The following MTMR3 variants were observed in gnomAD, a reference collection of about 807,000 sequenced individuals.
The protein encoded by MTMR3 is myotubularin related protein 3, also known as phosphatidylinositol-3,5-bisphosphate 3-phosphatase MTMR3.
A neutral mutation model predicts 132.4 loss-of-function variants in MTMR3; 32 were observed. The observed-to-expected ratio is 0.24, with a 90% CI of 0.18 to 0.32. The LOEUF (loss-of-function observed/expected upper bound fraction) is 0.32, where lower values mean the gene tolerates loss of function less well. Ranked by LOEUF, MTMR3 falls within the 10% of genes least tolerant of loss-of-function variation. The pLI is 1.00. For missense variants in MTMR3, 1,216 were observed against 1,489.6 expected (o/e 0.82, Z 3.02); for synonymous variants, 556 against 550.3 (o/e 1.01, Z -0.14).
Position 30,007,915 on chromosome 22 carries a change from A to C in MTMR3, c.892A>C (p.Asn298His). Reference protein sequence around the residue: ...SDVEFDSSLSNASGAESLAIQ... With the variant: ...SDVEFDSSLSHASGAESLAIQ... Reference sequence around the variant, plus strand: ...TGTGTCCCTAGATTCTTCTCTGTCAAATGCTTCAGGAGCAGAGAGTTTAGC... The same window carrying C: ...TGTGTCCCTAGATTCTTCTCTGTCACATGCTTCAGGAGCAGAGAGTTTAGC... The change falls in exon 11 of 20, where the codon AAT (asparagine) becomes CAT (histidine). Residue 298 changes from asparagine to histidine, a missense_variant. Transcript: ENST00000401950. 6.2e-7 allele frequency: 1 copy of C among 1,613,584 alleles called. No homozygotes were observed.
At chr22:29,927,223 T>G (rs538872721) in intron 1 of MTMR3, among the ~76,000 whole-genome samples, 1 of 152,358 alleles carries the variant, frequency 6.6e-6, no homozygotes, top group Non-Finnish European at 1.5e-5. Context: ...CTGTGTGTCT[T>G]TATGCTAGTA....
At chr22:29,991,745 G>A in intron 7 of MTMR3, 75 bp downstream of exon 7, 2 of 1,426,074 alleles carry the variant, frequency 1.4e-6, no homozygotes, top group Non-Finnish European at 1.9e-6. Flanking sequence ...AACATGAAAT[G>A]GGACACCTAA....
chr22:29,901,151 T>C (rs2064996646), intron 1 of MTMR3, among the ~76,000 whole-genome samples: 1 of 152,064 alleles, frequency 6.6e-6, no homozygotes, highest in Non-Finnish European at 1.5e-5. Flanking sequence ...GTTTTGACCA[T>C]GATGATTCTG....
At chr22:29,926,607 T>C (rs1032428120) in intron 1 of MTMR3, among the ~76,000 whole-genome samples, 1 of 152,228 alleles carries the variant, frequency 6.6e-6, no homozygotes, top group Non-Finnish European at 1.5e-5. Context: ...GGTATCTCAT[T>C]GTGGCTTTGA....
In MTMR3 at chr22:30,019,499, T is replaced by C; in HGVS notation, c.1840T>C (p.Tyr614His). The C allele has an allele frequency of 6.2e-7, 1 of 1,606,878 alleles. No homozygotes were observed. Residue 614 changes from tyrosine (Y) to histidine (H), a missense_variant, in exon 17 of 20, where the codon TAC becomes CAC. By Grantham distance (83) the Tyr-to-His change is moderately conservative (BLOSUM62 2). Coordinates refer to ENST00000401950, the MANE Select transcript of MTMR3 (RefSeq NM_021090.4). Reference protein sequence around the residue: ...PLSRLPKTRSYDNLTTACDNT... With the variant: ...PLSRLPKTRSHDNLTTACDNT... ...CTTTAGGCTACCAAAGACTAGATCA[T>C]ACGACAATCTGACCACAGCCTGTGA...
chr22:30,003,321 T>C (rs2067212586), intron 9 of MTMR3: 1 of 185,882 alleles, frequency 5.4e-6, no homozygotes, highest in Non-Finnish European at 1.1e-5. Context: ...AGCAGGGCTT[T>C]TGGATTGAGA....
chr22:29,942,384 C>T (rs1330251251), intron 1 of MTMR3, among the ~76,000 whole-genome samples: 5 of 152,088 alleles, frequency 3.3e-5, no homozygotes, highest in Admixed American at 6.6e-5. Context: ...GGAGGCAGGG[C>T]GAGATCACAG....
chr22:29,968,633 G>C (rs1256272744), intron 2 of MTMR3, among the ~76,000 whole-genome samples: 1 of 152,034 alleles, frequency 6.6e-6, no homozygotes, highest in African/African-American at 2.4e-5. Context: ...CTTTGCAGCA[G>C]TTGCCTACTG....
At chr22:30,013,591 C>A (rs2067490503) in intron 14 of MTMR3, 50 bp downstream of exon 14, 2 of 1,557,278 alleles carry the variant, frequency 1.3e-6, no homozygotes, top group African/African-American at 1.4e-5. Flanking sequence ...AGGGTCAGTA[C>A]AAATGTTAGT....
rs1179607800 is a variant in MTMR3 at position 29,991,603 on chromosome 22, A to T, written c.393A>T (p.Ala131=). Residue 131 remains alanine, a synonymous_variant, in exon 7 of 20, where the codon GCA becomes GCT. Transcript: ENST00000401950. ...AAATAGAAGATCTCTTCTCATTTGCATACCATGCTTGGTGCATGGAGGTCT... is the reference window on the plus strand; with the variant it reads ...AAATAGAAGATCTCTTCTCATTTGCTTACCATGCTTGGTGCATGGAGGTCT... ...PAKIEDLFSF[A]YHAWCMEVYA... The T allele has an allele frequency of 6.2e-7, 1 of 1,614,132 alleles. No homozygotes were observed. The highest frequency in any genetic ancestry group is 2.2e-5 in the East Asian group (1 of 44,882).
intron 5 of MTMR3, chr22:29,987,641 A>T (rs1191968259): frequency 6.6e-6 from 1 of 152,188 alleles, no homozygotes. Flanking sequence ...TATCCTGAAG[A>T]TTTGGCACCC....
At chr22:29,928,876 G>A (rs1196612932) in intron 1 of MTMR3, among the ~76,000 whole-genome samples, 1 of 152,162 alleles carries the variant, frequency 6.6e-6, no homozygotes, top group African/African-American at 2.4e-5. Flanking sequence ...TATATCAAGG[G>A]AAGTAGAGTT....
chr22:29,891,453 CAA>C (rs1320483489), intron 1 of MTMR3, among the ~76,000 whole-genome samples: 3 of 151,070 alleles, frequency 2.0e-5, no homozygotes, highest in African/African-American at 4.9e-5. Context: ...ATTTTTTAGA[CAA>C]GAGTCTTTTT....
chr22:29,966,744 T>C (rs958823841), intron 2 of MTMR3, among the ~76,000 whole-genome samples: 31 of 148,688 alleles, frequency 2.1e-4, no homozygotes, highest in South Asian at 8.5e-4. Context: ...TGTGTGTGTG[T>C]GTGTGTGTGT....
intron 5 of MTMR3, chr22:29,986,399 G>A (rs2066858599): frequency 9.4e-6 from 2 of 212,306 alleles, no homozygotes; most frequent in Admixed American, 6.5e-5. Flanking sequence ...AGGCTACCCA[G>A]AGAACTGGCC....
intron 14 of MTMR3, chr22:30,015,038 A>AT (rs1475175641): frequency 6.6e-6 from 1 of 152,016 alleles, no homozygotes; most frequent in Non-Finnish European, 1.5e-5. Flanking sequence ...CAGACTTAAT[A>AT]AATTCAAAAC....
chr22:29,908,294 TAGTA>T (rs2065142055), intron 1 of MTMR3, among the ~76,000 whole-genome samples: 1 of 152,210 alleles, frequency 6.6e-6, no homozygotes, highest in South Asian at 2.1e-4. Flanking sequence ...CATAGTTTAG[TAGTA>T]AGCACAAGTA....
intron 9 of MTMR3, chr22:30,003,629 C>T (rs1247729531): frequency 6.6e-6 from 1 of 152,192 alleles, no homozygotes; most frequent in Non-Finnish European, 1.5e-5. Context: ...CCCTAACTGA[C>T]CTCAGTCTGT....
At chr22:29,929,854 A>G (rs1316122917) in intron 1 of MTMR3, among the ~76,000 whole-genome samples, 1 of 152,144 alleles carries the variant, frequency 6.6e-6, no homozygotes, top group African/African-American at 2.4e-5. Context: ...CTCTTTTTAG[A>G]TTATTATTCT....
Sources: allele counts gnomAD v4.1 joint callset (sites outside exome capture counted in the v4.1 genomes callset), GRCh38; gene constraint gnomAD v4.1.1; transcripts MANE v1.5; gene names NCBI Gene and HGNC (gene_info 2026-07-23, HGNC 2026-07-21).